NSMAF: variants seen among roughly 807,000 people sequenced by gnomAD.
NSMAF encodes neutral sphingomyelinase activation associated factor.
Under a neutral mutation model 134.9 loss-of-function variants are expected in NSMAF, and 90 were observed. The ratio of observed to expected loss-of-function variants is 0.67; its 90% confidence interval spans 0.56 to 0.79. The LOEUF is 0.79. Ranked by LOEUF, NSMAF falls within the 30% of genes least tolerant of loss-of-function variation. The pLI is 0.00. For missense variants in NSMAF, 1,010 were observed against 1,119.0 expected (o/e 0.90, Z 1.39); for synonymous variants, 358 against 389.6 (o/e 0.92, Z 0.96).
chr8:58,652,861 C>T (rs559559905), intron 1 of NSMAF, among the ~76,000 whole-genome samples: 1 of 152,316 alleles, frequency 6.6e-6, no homozygotes, highest in Admixed American at 6.5e-5. Flanking sequence ...GGTTTATCAT[C>T]ATCCAACCCT....
intron 2 of NSMAF, among the ~76,000 whole-genome samples, chr8:58,642,114 C>CA (rs1397538544): frequency 1.3e-5 from 2 of 151,966 alleles, no homozygotes; most frequent in East Asian, 1.9e-4. Flanking sequence ...AGCTACTAAA[C>CA]AAAAAAACCA....
chr8:58,616,401 T>C (rs1457869074), intron 9 of NSMAF, among the ~76,000 whole-genome samples: 2 of 151,970 alleles, frequency 1.3e-5, no homozygotes, highest in Non-Finnish European at 1.5e-5. Flanking sequence ...AGATAAGATA[T>C]CATGTTCCCA....
At chr8:58,634,097 A>G (rs886304501) in intron 5 of NSMAF, among the ~76,000 whole-genome samples, 1 of 152,228 alleles carries the variant, frequency 6.6e-6, no homozygotes, top group African/African-American at 2.4e-5. Context: ...ACATGAGAGT[A>G]TGGAGGTGGA....
chr8:58,602,214 A>G (rs17265530), intron 13 of NSMAF, 77 bp from the exon 14 acceptor site: 41,880 of 1,113,864 alleles, frequency 0.038, 990 homozygotes, highest in Non-Finnish European at 0.043. Flanking sequence ...AAATATACAC[A>G]TTTACTTCCA....
At chr8:58,590,782 G>C in intron 24 of NSMAF, 85 bp downstream of exon 24, 1 of 1,304,190 alleles carries the variant, frequency 7.7e-7, no homozygotes, top group Admixed American at 2.5e-5. Context: ...AATTGTTTTG[G>C]GAGAAATAAA....
Position 58,646,668 on chromosome 8 carries a change from T to G in NSMAF, c.60-3595A>C, listed in dbSNP as rs1385206661. The stretch of plus-strand genomic sequence containing the variant: ...TAAAATTTTTCTATGTAAAAATTAT[T>G]ATAATTAAGTTGCATGATTTTTAGA... On this transcript the variant is annotated intron_variant, in intron 1 of 30. Coordinates refer to ENST00000038176, the MANE Select transcript of NSMAF (RefSeq NM_003580.4). Among the ~76,000 whole-genome samples, 3 of 152,218 alleles carry G rather than the reference T, an allele frequency of 2.0e-5. No individual in the cohort carries two copies. In the East Asian group the frequency reaches 5.8e-4, roughly 29 times the overall value.
chr8:58,585,512 G>T, intron 30 of NSMAF, 140 bp downstream of exon 30: 1 of 623,112 alleles, frequency 1.6e-6, no homozygotes, highest in Non-Finnish European at 2.8e-6. Flanking sequence ...GGCCAATCAA[G>T]AGGCTCCAGG....
intron 23 of NSMAF, among the ~76,000 whole-genome samples, chr8:58,591,450 C>CATTTAA (rs1350511613): frequency 8.2e-5 from 12 of 145,522 alleles, no homozygotes; most frequent in African/African-American, 3.1e-4. Flanking sequence ...AAAATCCAAG[C>CATTTAA]ATTTAATTTT....
intron 6 of NSMAF, chr8:58,631,236 A>AGG (rs1227297163): frequency 4.7e-5 from 14 of 298,440 alleles, no homozygotes; most frequent in Non-Finnish European, 8.2e-5. Context: ...TAAATAATGC[A>AGG]TATTCTGATT....
chr8:58,629,897 C>G (rs1807018654), intron 6 of NSMAF, among the ~76,000 whole-genome samples: 1 of 152,172 alleles, frequency 6.6e-6, no homozygotes, highest in Non-Finnish European at 1.5e-5. Flanking sequence ...GCGTGCTACC[C>G]AGCTCTCTTT....
At chr8:58,659,480 C>A in intron 1 of NSMAF, 93 bp downstream of exon 1, 1 of 1,493,738 alleles carries the variant, frequency 6.7e-7, no homozygotes. Context: ...CCGGCCCCCA[C>A]GCCGCCTCCC....
At chr8:58,640,372 A>G (rs1807306097) in intron 2 of NSMAF, among the ~76,000 whole-genome samples, 1 of 152,220 alleles carries the variant, frequency 6.6e-6, no homozygotes. Context: ...AAAGTGCATG[A>G]AAAAGGCTTT....
Position 58,635,359 on chromosome 8 carries a change from T to C in NSMAF, c.242A>G (p.Asp81Gly), listed in dbSNP as rs1268349006. The change falls in exon 4 of 31, where the codon GAC becomes GGC. Residue 81 changes from aspartate (D) to glycine (G), a missense_variant. Transcript: ENST00000038176. ...SQPIIKIPLR[D>G]CIKIGKHGEN... ...TCCATGCTTTCCTATTTTTATACAG[T>C]CTCTCAAAGGAATCTGGATAAAATT... 1 of 1,605,852 alleles carries C rather than the reference T, an allele frequency of 6.2e-7. No homozygotes were observed. The highest frequency in any genetic ancestry group is 8.5e-7 in the Non-Finnish European group (1 of 1,176,992).
At chr8:58,652,401 C>G (rs189877220) in intron 1 of NSMAF, among the ~76,000 whole-genome samples, 1 of 152,130 alleles carries the variant, frequency 6.6e-6, no homozygotes, top group Non-Finnish European at 1.5e-5. Context: ...CTGACCATGC[C>G]AGGAAAAAGG....
intron 1 of NSMAF, among the ~76,000 whole-genome samples, chr8:58,652,293 A>T (rs1369582474): frequency 6.6e-6 from 1 of 152,226 alleles, no homozygotes. Flanking sequence ...GGTCTCCCAG[A>T]AGAGAAGGTG....
At chr8:58,611,627 T>C (rs1349977870) in intron 9 of NSMAF, among the ~76,000 whole-genome samples, 1 of 152,096 alleles carries the variant, frequency 6.6e-6, no homozygotes, top group Non-Finnish European at 1.5e-5. Flanking sequence ...AAAATGTTGA[T>C]ATCACAAAGA....
chr8:58,636,537 A>C (rs1807177276), intron 2 of NSMAF, among the ~76,000 whole-genome samples: 1 of 152,160 alleles, frequency 6.6e-6, no homozygotes, highest in African/African-American at 2.4e-5. Flanking sequence ...TCTCTCACCT[A>C]AAGGTTTTAG....
intron 9 of NSMAF, 102 bp from the exon 10 acceptor site, chr8:58,609,835 TAAACACTACATTTAATATAAGA>T: frequency 9.7e-7 from 1 of 1,033,372 alleles, no homozygotes; most frequent in Non-Finnish European, 1.4e-6. Context: ...GACATTTGTC[TAAACACTACATTTAATATAAGA>T]AAAATGGTAA....
At chr8:58,592,002 G>A (rs925387175) in intron 23 of NSMAF, among the ~76,000 whole-genome samples, 4 of 152,114 alleles carry the variant, frequency 2.6e-5, no homozygotes, top group Admixed American at 2.0e-4. Context: ...TTATAAACAT[G>A]AGCCTCAATA....
Sources: allele counts gnomAD v4.1 joint callset (sites outside exome capture counted in the v4.1 genomes callset), GRCh38; gene constraint gnomAD v4.1.1; transcripts MANE v1.5; gene names NCBI Gene and HGNC (gene_info 2026-07-23, HGNC 2026-07-21).